APBB1IP: variants seen among roughly 807,000 people sequenced by gnomAD.
The protein encoded by APBB1IP is amyloid beta A4 precursor protein-binding family B member 1-interacting protein.
Under a neutral mutation model 64.9 loss-of-function variants are expected in APBB1IP, and 27 were observed. That is an observed-to-expected ratio of 0.42 (90% CI 0.31 to 0.57). The LOEUF (loss-of-function observed/expected upper bound fraction) is 0.57, where lower values mean the gene tolerates loss of function less well. Among genes scored for constraint, APBB1IP ranks in the 20% least tolerant of loss-of-function variants. The pLI, the probability that APBB1IP is intolerant of heterozygous loss-of-function variation, is 0.20. For synonymous variants in APBB1IP, 392 were observed against 331.0 expected, an observed-to-expected ratio of 1.18 and a Z score of -2.00; for missense variants, 812 against 845.5, an observed-to-expected ratio of 0.96 and a Z score of 0.49.
intron 11 of APBB1IP, among the ~76,000 whole-genome samples, chr10:26,558,140 A>ACAC (rs1836917404): frequency 6.7e-6 from 1 of 148,894 alleles, no homozygotes; most frequent in Non-Finnish European, 1.5e-5. Flanking sequence ...CACACACACA[A>ACAC]ACACACACAC....
chr10:26,486,190 A>T (rs1835889160), intron 2 of APBB1IP, among the ~76,000 whole-genome samples: 1 of 152,244 alleles, frequency 6.6e-6, no homozygotes, highest in African/African-American at 2.4e-5. Flanking sequence ...CCACTTCATC[A>T]TAAGCAGCCA....
chr10:26,457,909 T>C (rs1476665455), intron 2 of APBB1IP, among the ~76,000 whole-genome samples: 1 of 152,254 alleles, frequency 6.6e-6, no homozygotes, highest in Non-Finnish European at 1.5e-5. Context: ...CTAAATTATT[T>C]GCTCTGAAAG....
In APBB1IP at chr10:26,489,802, A is replaced by G. The variant is rs192486506; in HGVS notation, c.1-2525A>G. 4.4e-4 allele frequency among the ~76,000 whole-genome samples: 67 copies of G among 152,326 alleles called. 1 individual carries two copies. The highest frequency in any genetic ancestry group is 3.8e-3 in the Admixed American group (58 of 15,294). On this transcript the variant is annotated intron_variant, in intron 2 of 14. Coordinates refer to ENST00000376236, the MANE Select transcript of APBB1IP (RefSeq NM_019043.4). The stretch of plus-strand genomic sequence containing the variant: ...CACTTTGGGAGGCCCAGGTGGGTGG[A>G]TCACTTGAGGTCAGGAGTTCAAGAA...
Position 26,475,631 on chromosome 10 carries a change from T to A in APBB1IP, c.1-16696T>A, listed in dbSNP as rs547901159. Reference sequence around the variant, plus strand: ...ATCCGGCCATGGATGTCCTGTGTGATCTTGGGCATGTCATTCGAACTCCTG... The same window carrying A: ...ATCCGGCCATGGATGTCCTGTGTGAACTTGGGCATGTCATTCGAACTCCTG... On this transcript the variant is annotated intron_variant, in intron 2 of 14. Transcript: ENST00000376236. 9.8e-5 allele frequency among the ~76,000 whole-genome samples: 15 copies of A among 152,322 alleles called. No individual in the cohort carries two copies. The East Asian group carries it at 2.5e-3, about 25-fold the overall frequency.
At chr10:26,454,632 T>G (rs1835502412) in intron 2 of APBB1IP, among the ~76,000 whole-genome samples, 1 of 152,056 alleles carries the variant, frequency 6.6e-6, no homozygotes, top group Non-Finnish European at 1.5e-5. Flanking sequence ...CCAGAAAGAA[T>G]GAATAAGACC....
chr10:26,559,151 C>T (rs766370711), intron 11 of APBB1IP, among the ~76,000 whole-genome samples: 7 of 152,116 alleles, frequency 4.6e-5, no homozygotes, highest in Non-Finnish European at 8.8e-5. Context: ...GGTAAGTTCC[C>T]TTATTTGACA....
chr10:26,455,616 A>G (rs1219148127), intron 2 of APBB1IP, among the ~76,000 whole-genome samples: 1 of 152,170 alleles, frequency 6.6e-6, no homozygotes, highest in African/African-American at 2.4e-5. Flanking sequence ...AAACACATAT[A>G]AAATACATAC....
chr10:26,463,677 G>A (rs1470012192), intron 2 of APBB1IP, among the ~76,000 whole-genome samples: 1 of 152,134 alleles, frequency 6.6e-6, no homozygotes, highest in Non-Finnish European at 1.5e-5. Flanking sequence ...TTGTAGACTG[G>A]GGGTGATTAT....
At chr10:26,559,627 T>C (rs1354651806) in intron 11 of APBB1IP, among the ~76,000 whole-genome samples, 7 of 149,680 alleles carry the variant, frequency 4.7e-5, no homozygotes, top group Non-Finnish European at 9.0e-5. Context: ...TCTTTCTTTT[T>C]TTTTTTTTTT....
chr10:26,516,370 C>A (rs1206371043), intron 8 of APBB1IP, among the ~76,000 whole-genome samples: 2 of 151,132 alleles, frequency 1.3e-5, no homozygotes, highest in Non-Finnish European at 2.9e-5. Flanking sequence ...TAGAGAAACC[C>A]CATCTCTACT....
At chr10:26,467,849 T>C (rs538934017) in intron 2 of APBB1IP, among the ~76,000 whole-genome samples, 16 of 152,300 alleles carry the variant, frequency 1.1e-4, no homozygotes, top group African/African-American at 3.4e-4. Flanking sequence ...ACCAAATTAC[T>C]CAACTATGCA....
intron 6 of APBB1IP, among the ~76,000 whole-genome samples, chr10:26,506,529 T>G (rs1836181565): frequency 6.6e-6 from 1 of 152,192 alleles, no homozygotes; most frequent in Admixed American, 6.5e-5. Context: ...ATTACAGGCA[T>G]GTAATAATAG....
intron 11 of APBB1IP, among the ~76,000 whole-genome samples, chr10:26,544,174 C>T (rs1426323097): frequency 6.6e-6 from 1 of 152,186 alleles, no homozygotes; most frequent in African/African-American, 2.4e-5. Flanking sequence ...CCCACAATGC[C>T]ACCTGCCCTT....
chr10:26,483,463 AC>A (rs1835859287), intron 2 of APBB1IP, among the ~76,000 whole-genome samples: 1 of 152,214 alleles, frequency 6.6e-6, no homozygotes, highest in Non-Finnish European at 1.5e-5. Context: ...GAATGAGAAC[AC>A]CTAATAGTTA....
intron 2 of APBB1IP, among the ~76,000 whole-genome samples, chr10:26,470,989 T>C (rs1835709467): frequency 6.6e-6 from 1 of 152,162 alleles, no homozygotes; most frequent in Non-Finnish European, 1.5e-5. Flanking sequence ...GAACTTTCAG[T>C]TCTAAGCCAG....
intron 11 of APBB1IP, among the ~76,000 whole-genome samples, chr10:26,552,943 T>G (rs760654299): frequency 1.2e-4 from 18 of 152,194 alleles, no homozygotes; most frequent in Non-Finnish European, 2.1e-4. Flanking sequence ...GCCCCACCTC[T>G]TCAAGCAGCA....
chr10:26,510,770 A>ACACACACG (rs1433257445), intron 6 of APBB1IP, among the ~76,000 whole-genome samples: 1 of 151,660 alleles, frequency 6.6e-6, no homozygotes, highest in African/African-American at 2.4e-5. Context: ...ACACACACAC[A>ACACACACG]CACACAAATG....
At chr10:26,461,959 A>G (rs1276964241) in intron 2 of APBB1IP, among the ~76,000 whole-genome samples, 1 of 152,164 alleles carries the variant, frequency 6.6e-6, no homozygotes, top group African/African-American at 2.4e-5. Context: ...TTCACACTAC[A>G]ATTCTCTTGA....
chr10:26,533,787 A>G (rs921622874), intron 9 of APBB1IP, among the ~76,000 whole-genome samples: 2 of 152,164 alleles, frequency 1.3e-5, no homozygotes, highest in Non-Finnish European at 2.9e-5. Flanking sequence ...CTAGCATTCC[A>G]AGTTTCCATT....
Sources: allele counts gnomAD v4.1 joint callset (sites outside exome capture counted in the v4.1 genomes callset), GRCh38; gene constraint gnomAD v4.1.1; transcripts MANE v1.5; gene names NCBI Gene and HGNC (gene_info 2026-07-23, HGNC 2026-07-21).